The following KCNMA1 variants were observed in gnomAD, a reference collection of about 807,000 sequenced individuals.
KCNMA1 encodes potassium calcium-activated channel subfamily M alpha 1.
A neutral mutation model predicts 140.0 loss-of-function variants in KCNMA1; 29 were observed. That is an observed-to-expected ratio of 0.21 (90% confidence interval 0.15 to 0.28). KCNMA1 has a LOEUF of 0.28. Ranked by LOEUF, KCNMA1 falls within the 10% of genes least tolerant of loss-of-function variation. The probability of loss-of-function intolerance (pLI) is 1.00; values close to 1 mark genes in which losing one functional copy is unlikely to be tolerated. For missense variants in KCNMA1, 880 were observed against 1,602.2 expected (o/e 0.55, Z 7.70); for synonymous variants, 612 against 611.9 (o/e 1.00, Z 0.00).
At chr10:77,429,911 C>A (rs766990554) in intron 1 of KCNMA1, among the ~76,000 whole-genome samples, 1 of 152,074 alleles carries the variant, frequency 6.6e-6, no homozygotes, top group Non-Finnish European at 1.5e-5. Context: ...AGATGAGTGT[C>A]AGAGCCATGC....
At chr10:77,605,596 C>G (rs2084206108) in intron 1 of KCNMA1, among the ~76,000 whole-genome samples, 1 of 152,218 alleles carries the variant, frequency 6.6e-6, no homozygotes, top group Non-Finnish European at 1.5e-5. Flanking sequence ...CAGCCTCCCT[C>G]CTCTGCTGGG....
chr10:76,944,239 T>C (rs1166272450), intron 23 of KCNMA1, among the ~76,000 whole-genome samples: 1 of 152,218 alleles, frequency 6.6e-6, no homozygotes, highest in African/African-American at 2.4e-5. Context: ...AAGGCTGCTT[T>C]GCCTCCTATA....
chr10:76,873,461 G>A (rs1276780319), downstream of KCNMA1: 1 of 152,182 alleles, frequency 6.6e-6, no homozygotes, highest in Admixed American at 6.5e-5. Context: ...ATAAGGAGAG[G>A]ATCAGAAAGG....
intron 2 of KCNMA1, among the ~76,000 whole-genome samples, chr10:77,396,147 C>T (rs995592164): frequency 4.6e-5 from 7 of 152,290 alleles, no homozygotes; most frequent in African/African-American, 1.7e-4. Flanking sequence ...CCAACTGATT[C>T]CCAATAGCAG....
At chr10:77,285,075 T>G (rs1194025981) in intron 2 of KCNMA1, among the ~76,000 whole-genome samples, 3 of 152,236 alleles carry the variant, frequency 2.0e-5, no homozygotes, top group Admixed American at 2.0e-4. Flanking sequence ...GTTAATTATG[T>G]TCTTTGGAGG....
chr10:77,283,561 C>A (rs1464858871), intron 2 of KCNMA1, among the ~76,000 whole-genome samples: 1 of 152,198 alleles, frequency 6.6e-6, no homozygotes, highest in East Asian at 1.9e-4. Context: ...GCTGTTGACA[C>A]CCCTATGGCT....
intron 1 of KCNMA1, among the ~76,000 whole-genome samples, chr10:77,500,377 G>A (rs777972690): frequency 4.6e-5 from 7 of 152,174 alleles, no homozygotes; most frequent in Admixed American, 2.0e-4. Flanking sequence ...AAAATCAAGT[G>A]AGGCTCACAC....
At chr10:77,198,115 A>G (rs2041212580) in intron 3 of KCNMA1, among the ~76,000 whole-genome samples, 1 of 152,204 alleles carries the variant, frequency 6.6e-6, no homozygotes, top group Non-Finnish European at 1.5e-5. Context: ...CATAATTGTT[A>G]AGATGTTGTG....
chr10:77,296,092 C>T (rs1334062339), intron 2 of KCNMA1, among the ~76,000 whole-genome samples: 2 of 152,008 alleles, frequency 1.3e-5, no homozygotes, highest in African/African-American at 4.8e-5. Flanking sequence ...AATATGTGAC[C>T]TTACATGGCA....
chr10:77,296,909 G>GC (rs199820362), intron 2 of KCNMA1, among the ~76,000 whole-genome samples: 2 of 105,488 alleles, frequency 1.9e-5, no homozygotes, highest in Non-Finnish European at 4.3e-5. Context: ...CTGGGTGTGT[G>GC]GGCGGGGGGG....
rs1215400202 is a variant in KCNMA1, at chr10:77,025,297, T to C, written c.1928+2526A>G. 4 of 273,982 alleles carry C rather than the reference T, an allele frequency of 1.5e-5. No homozygotes were observed. In the East Asian group the frequency reaches 2.3e-4, roughly 15 times the overall value. The allele number at this position is 273,982 out of a possible 1,614,324, so 17.0% of individuals were successfully genotyped here. A position where few individuals can be genotyped will look rare whatever the true frequency, so the allele number is the denominator to read the frequency against. On this transcript the variant is annotated intron_variant, in intron 16 of 27. Transcript: ENST00000286628. ...ATATATATATACACACACACATATA[T>C]AATATAGATACACCAGACAAGGGAA... is the stretch of plus-strand genomic sequence containing the variant.
chr10:77,184,645 A>T (rs559228490), intron 4 of KCNMA1, among the ~76,000 whole-genome samples, 178 bp downstream of exon 4: 1 of 152,328 alleles, frequency 6.6e-6, no homozygotes, highest in South Asian at 2.1e-4. Flanking sequence ...AACTGATGTG[A>T]ATTCCAGAAA....
intron 24 of KCNMA1, chr10:76,914,081 G>A (rs1214687507): frequency 6.5e-7 from 1 of 1,550,194 alleles, no homozygotes; most frequent in African/African-American, 1.4e-5. Flanking sequence ...ATTAGAATGT[G>A]CGTCCCACTG....
chr10:77,327,838 C>T (rs540640144), intron 2 of KCNMA1, among the ~76,000 whole-genome samples: 11 of 152,136 alleles, frequency 7.2e-5, no homozygotes, highest in Middle Eastern at 3.4e-3. Flanking sequence ...ATAGTCTGTG[C>T]GATCTTAGGT....
chr10:77,472,686 A>T (rs1168709542), intron 1 of KCNMA1, among the ~76,000 whole-genome samples: 1 of 152,212 alleles, frequency 6.6e-6, no homozygotes, highest in Non-Finnish European at 1.5e-5. Context: ...ATTTCTTTTT[A>T]TTCTGTTGTT....
In KCNMA1 at chr10:77,489,483, C is replaced by G. The variant is rs1603628940; in HGVS notation, c.379-85460G>C. Among the ~76,000 whole-genome samples, 2 of 151,956 alleles carry G rather than the reference C, an allele frequency of 1.3e-5. 1 individual carries two copies. The highest frequency in any genetic ancestry group is 4.2e-4 in the South Asian group (2 of 4,816). ...CCCTGGTAGCTGGAATTACAGGCAC[C>G]CGCTACCATACCCGGCTAATTTTGT... On this transcript the variant is annotated intron_variant, in intron 1 of 27. Transcript: ENST00000286628.
intron 2 of KCNMA1, among the ~76,000 whole-genome samples, chr10:77,320,594 G>A (rs1261248817): frequency 6.6e-6 from 1 of 152,028 alleles, no homozygotes; most frequent in Non-Finnish European, 1.5e-5. Context: ...CCACTCCCTG[G>A]GCCAGGATGC....
At position 77,633,301 on chromosome 10, in the gene KCNMA1, C is replaced by T. The variant is rs111897545; in HGVS notation, c.378+3964G>A. ...CTGCACTCCAGCCTGGGTGACAGAG[C>T]GAGACTCCATCTCAAAAAAAAAAAT... On this transcript the variant is annotated intron_variant, in intron 1 of 27. Coordinates refer to ENST00000286628, the MANE Select transcript of KCNMA1 (RefSeq NM_001161352.2). Among the ~76,000 whole-genome samples, 777 of 151,348 alleles carry T rather than the reference C, an allele frequency of 5.1e-3. 4 individuals carry two copies. Among genetic ancestry groups the T allele is most frequent in the Non-Finnish European group, 6.6e-3 (448 of 67,854 alleles).
At chr10:77,171,881 A>C (rs2098711806) in intron 5 of KCNMA1, among the ~76,000 whole-genome samples, 1 of 152,164 alleles carries the variant, frequency 6.6e-6, no homozygotes, top group African/African-American at 2.4e-5. Flanking sequence ...TGGGATGGCC[A>C]ACTTTCCTCC....
Sources: gnomAD v4.1 joint callset for allele counts (sites outside exome capture counted in the v4.1 genomes callset) on GRCh38, gnomAD v4.1.1 for gene constraint, MANE v1.5 for transcripts, NCBI Gene and HGNC (gene_info 2026-07-23, HGNC 2026-07-21) for gene names.